PPP3CA: variants seen among roughly 807,000 people sequenced by gnomAD.
The protein encoded by PPP3CA is CAM-PRP catalytic subunit.
PPP3CA carries 14 observed loss-of-function variants against 66.5 expected under a neutral mutation model. The ratio of observed to expected loss-of-function variants is 0.21; its 90% CI spans 0.14 to 0.33. PPP3CA has a LOEUF of 0.33. PPP3CA is among the 10% of genes least tolerant of loss of function. The pLI is 1.00. For missense variants in PPP3CA, 317 were observed against 639.5 expected (o/e 0.50, Z 5.44); for synonymous variants, 232 against 226.2 (o/e 1.03, Z -0.23).
At chr4:101,036,264 C>T (rs1727243221) in intron 11 of PPP3CA, among the ~76,000 whole-genome samples, 1 of 152,180 alleles carries the variant, frequency 6.6e-6, no homozygotes, top group Non-Finnish European at 1.5e-5. Context: ...ATGTGGCTCA[C>T]ATTTTATTTC....
chr4:101,321,483 G>A (rs1158532940), intron 1 of PPP3CA, among the ~76,000 whole-genome samples: 1 of 152,142 alleles, frequency 6.6e-6, no homozygotes, highest in East Asian at 1.9e-4. Context: ...TATTAGCAGA[G>A]ACCAAAAAGT....
At position 101,322,498 on chromosome 4, in the gene PPP3CA, C is replaced by T. The variant is rs548213554; in HGVS notation, c.58+24241G>A. ...CAATCTCAGCTCACTACAACCTCTG[C>T]CTCCCGGGTTCAAGCGATTCTCGTG... On this transcript the variant is annotated intron_variant, in intron 1 of 13. Transcript: ENST00000394854. Among the ~76,000 whole-genome samples the T allele has an allele frequency of 1.4e-4, 21 of 151,446 alleles. No homozygotes were observed. In the South Asian group the frequency reaches 4.4e-3, roughly 32 times the overall value.
intron 8 of PPP3CA, among the ~76,000 whole-genome samples, chr4:101,074,115 T>C (rs1729041518): frequency 6.6e-6 from 1 of 152,322 alleles, no homozygotes; most frequent in African/African-American, 2.4e-5. Context: ...TAAAAGTCAA[T>C]ACTAAAAGTT....
intron 1 of PPP3CA, among the ~76,000 whole-genome samples, chr4:101,326,320 A>G (rs1366585555): frequency 6.6e-6 from 1 of 152,216 alleles, no homozygotes; most frequent in Non-Finnish European, 1.5e-5. Context: ...GATCATGAGA[A>G]AATTATTTAG....
chr4:101,317,303 T>A (rs527397870), intron 1 of PPP3CA, among the ~76,000 whole-genome samples: 1 of 139,792 alleles, frequency 7.2e-6, no homozygotes, highest in East Asian at 1.9e-4. Flanking sequence ...CACACTGCCC[T>A]AAATTTCTCC....
intron 1 of PPP3CA, among the ~76,000 whole-genome samples, chr4:101,260,387 T>A (rs185254072): frequency 6.6e-6 from 1 of 152,112 alleles, no homozygotes; most frequent in Non-Finnish European, 1.5e-5. Flanking sequence ...AAAACAAAAA[T>A]ATTGGAAGTC....
At chr4:101,050,440 C>T (rs1727959371) in intron 10 of PPP3CA, among the ~76,000 whole-genome samples, 1 of 152,246 alleles carries the variant, frequency 6.6e-6, no homozygotes, top group East Asian at 1.9e-4. Context: ...TAAGTCCCAG[C>T]ACTATCATTT....
intron 1 of PPP3CA, among the ~76,000 whole-genome samples, chr4:101,251,284 A>G (rs1334691059): frequency 6.6e-6 from 1 of 152,126 alleles, no homozygotes; most frequent in African/African-American, 2.4e-5. Flanking sequence ...ACGTATTTCT[A>G]TGTTTTCCCA....
At chr4:101,053,825 A>G (rs946134894) in intron 10 of PPP3CA, among the ~76,000 whole-genome samples, 11 of 152,000 alleles carry the variant, frequency 7.2e-5, no homozygotes, top group African/African-American at 2.7e-4. Context: ...GTCCTCGGAA[A>G]GGTCTTTTGA....
rs551910484 is a variant in PPP3CA at position 101,336,090 on chromosome 4, C to T, written c.58+10649G>A. ...ATTAGCCAGGCATGGTGGCAAATGC[C>T]TGTAGTCCCAGCTACTTGGGAGGCT... On this transcript the variant is annotated intron_variant, in intron 1 of 13. Coordinates refer to ENST00000394854, the MANE Select transcript of PPP3CA (RefSeq NM_000944.5). Among the ~76,000 whole-genome samples, 9 of 151,932 alleles carry T rather than the reference C, an allele frequency of 5.9e-5. No homozygotes were observed. In the South Asian group the frequency reaches 1.7e-3, roughly 28 times the overall value.
At chr4:101,190,684 T>A (rs989475674) in intron 2 of PPP3CA, among the ~76,000 whole-genome samples, 2 of 152,026 alleles carry the variant, frequency 1.3e-5, no homozygotes, top group Non-Finnish European at 2.9e-5. Context: ...TATAGTAAAC[T>A]CCCCAAGAGC....
chr4:101,080,268 C>A (rs1419917214), intron 8 of PPP3CA, among the ~76,000 whole-genome samples: 1 of 151,904 alleles, frequency 6.6e-6, no homozygotes, highest in Non-Finnish European at 1.5e-5. Context: ...AAGTCTTTGT[C>A]TACTAGAGCA....
At chr4:101,323,610 C>A (rs921148137) in intron 1 of PPP3CA, among the ~76,000 whole-genome samples, 1 of 152,158 alleles carries the variant, frequency 6.6e-6, no homozygotes, top group Non-Finnish European at 1.5e-5. Flanking sequence ...ATGTTGAAAC[C>A]ATTAGGTTAA....
chr4:101,143,965 A>G (rs1423160558), intron 2 of PPP3CA, among the ~76,000 whole-genome samples: 6 of 152,212 alleles, frequency 3.9e-5, no homozygotes, highest in Non-Finnish European at 8.8e-5. Context: ...ATCAAGTCAC[A>G]TAAACCAGTC....
chr4:101,245,730 AC>A (rs1388544135), intron 1 of PPP3CA, among the ~76,000 whole-genome samples: 18 of 151,838 alleles, frequency 1.2e-4, no homozygotes, highest in Admixed American at 3.3e-4. Context: ...TCACCCCACC[AC>A]CAAAAATACA....
chr4:101,156,225 A>G (rs961735471), intron 2 of PPP3CA, among the ~76,000 whole-genome samples: 6 of 152,216 alleles, frequency 3.9e-5, no homozygotes, highest in Admixed American at 3.9e-4. Flanking sequence ...TCTGTAACAG[A>G]GGGTGCTTCC....
chr4:101,342,954 C>T (rs55667372), intron 1 of PPP3CA, among the ~76,000 whole-genome samples: 16,114 of 152,072 alleles, frequency 0.11, 2,895 homozygotes, highest in African/African-American at 0.37. Flanking sequence ...ATGATCTTAG[C>T]ATCTTTCAGA....
intron 2 of PPP3CA, among the ~76,000 whole-genome samples, chr4:101,188,144 T>G (rs1478914203): frequency 6.6e-6 from 1 of 152,110 alleles, no homozygotes; most frequent in African/African-American, 2.4e-5. Flanking sequence ...AGTATATCTT[T>G]TCGTATTAAA....
At chr4:101,225,283 C>T (rs1028564804) in intron 1 of PPP3CA, among the ~76,000 whole-genome samples, 6 of 151,632 alleles carry the variant, frequency 4.0e-5, no homozygotes, top group African/African-American at 1.2e-4. Flanking sequence ...TAAATATGCT[C>T]ACTTTTGTAT....
Sources: allele counts gnomAD v4.1 joint callset (sites outside exome capture counted in the v4.1 genomes callset), GRCh38; gene constraint gnomAD v4.1.1; transcripts MANE v1.5; gene names NCBI Gene and HGNC (gene_info 2026-07-23, HGNC 2026-07-21).